EPS15: variants seen among roughly 807,000 people sequenced by gnomAD.
EPS15 encodes epidermal growth factor receptor substrate 15.
In EPS15, 72 loss-of-function variants were observed where a neutral mutation model predicts 113.8. The observed-to-expected ratio is 0.63, with a 90% CI of 0.52 to 0.77. The LOEUF is 0.77. EPS15 is among the 30% of genes least tolerant of loss of function. EPS15 has a pLI of 0.00. For synonymous variants in EPS15, 344 were observed against 363.4 expected (o/e 0.95, Z 0.61); for missense variants, 1,048 against 1,045.8 (o/e 1.00, Z -0.03).
intron 21 of EPS15, among the ~76,000 whole-genome samples, chr1:51,386,306 G>C (rs1647071325): frequency 6.6e-6 from 1 of 152,222 alleles, no homozygotes; most frequent in Non-Finnish European, 1.5e-5. Flanking sequence ...AAGATGGAAA[G>C]TAAGTGACAA....
rs1340614691 is a variant in EPS15 at position 51,355,002 on chromosome 1, CCAGT to C, written c.*1694_*1697del. The stretch of plus-strand genomic sequence containing the variant: ...ACAAAAATACCACCTATCACAACTC[CCAGT>C]CAAATTTTGCAGAAAATCCTTAGGT... On this transcript the variant is annotated 3_prime_UTR_variant, in exon 25 of 25. Transcript: ENST00000371733. 2.2e-5 allele frequency: 5 copies of C among 222,746 alleles called. No homozygotes were observed. Among genetic ancestry groups the C allele is most frequent in the Non-Finnish European group, 4.5e-5 (5 of 111,386 alleles). 13.8% of individuals were successfully genotyped at this position (222,746 alleles called of 1,614,324 possible). A position where few individuals can be genotyped will look rare whatever the true frequency, so the allele number is the denominator to read the frequency against.
intron 8 of EPS15, among the ~76,000 whole-genome samples, chr1:51,455,267 A>G (rs1028192190): frequency 2.0e-5 from 3 of 152,214 alleles, no homozygotes; most frequent in African/African-American, 4.8e-5. Context: ...ATAATTTTAG[A>G]TACATTTCTA....
At chr1:51,414,818 T>C (rs1165861419) in intron 13 of EPS15, among the ~76,000 whole-genome samples, 2 of 152,196 alleles carry the variant, frequency 1.3e-5, no homozygotes, top group Admixed American at 6.5e-5. Flanking sequence ...TACTAAGTTT[T>C]AAAAGCTGAA....
Position 51,479,288 on chromosome 1 carries a change from T to C in EPS15, c.75+1985A>G, listed in dbSNP as rs549306081. Among the ~76,000 whole-genome samples the C allele has an allele frequency of 2.6e-5, 4 of 152,340 alleles. No homozygotes were observed. In the South Asian group the frequency reaches 6.2e-4, roughly 24 times the overall value. On this transcript the variant is annotated intron_variant, in intron 2 of 24. Coordinates refer to ENST00000371733, the MANE Select transcript of EPS15 (RefSeq NM_001981.3). ...CTTGCGTCACGTAGTTCTCGTGCCATGGTTTTCAGCTCCATCAGGTCATGT... is the reference window on the plus strand; with the variant it reads ...CTTGCGTCACGTAGTTCTCGTGCCACGGTTTTCAGCTCCATCAGGTCATGT...
Position 51,355,705 on chromosome 1 carries a change from G to C in EPS15, c.*995C>G, listed in dbSNP as rs1196312071. ...AAGTTTTTACATTTCAAGTAAATGAGCCTTCATTAAAAAAAAAAAAACAAA... is the reference window on the plus strand; with the variant it reads ...AAGTTTTTACATTTCAAGTAAATGACCCTTCATTAAAAAAAAAAAAACAAA... On this transcript the variant is annotated 3_prime_UTR_variant, in exon 25 of 25. Transcript: ENST00000371733. 3.8e-5 allele frequency: 7 copies of C among 183,428 alleles called. No homozygotes were observed. Among genetic ancestry groups the C allele is most frequent in the Non-Finnish European group, 6.8e-5 (6 of 88,808 alleles). 11.4% of individuals were successfully genotyped at this position (183,428 alleles called of 1,614,324 possible).
At chr1:51,367,264 T>G (rs1260473199) in intron 21 of EPS15, among the ~76,000 whole-genome samples, 1 of 152,064 alleles carries the variant, frequency 6.6e-6, no homozygotes, top group Non-Finnish European at 1.5e-5. Context: ...AAAAGTATAT[T>G]TAACAGGCCA....
At chr1:51,440,990 C>G (rs1029182486) in intron 11 of EPS15, among the ~76,000 whole-genome samples, 6 of 152,024 alleles carry the variant, frequency 3.9e-5, no homozygotes, top group African/African-American at 7.2e-5. Flanking sequence ...TTAATACCAT[C>G]ATATATGAAA....
intron 3 of EPS15, among the ~76,000 whole-genome samples, chr1:51,472,161 A>G (rs1655287918): frequency 6.6e-6 from 1 of 152,178 alleles, no homozygotes; most frequent in East Asian, 1.9e-4. Flanking sequence ...CTAAGGCCCA[A>G]TGAGGGTAAG....
chr1:51,511,553 G>C (rs1349875052), intron 1 of EPS15, among the ~76,000 whole-genome samples: 1 of 152,092 alleles, frequency 6.6e-6, no homozygotes, highest in Non-Finnish European at 1.5e-5. Flanking sequence ...CTAAACCAGA[G>C]GCAATTTAAT....
In EPS15 at chr1:51,481,309, TGATAAC is replaced by T. The variant is rs760023950; in HGVS notation, c.34-1_38del. 7.7e-7 allele frequency: 1 copy of T among 1,303,758 alleles called. No homozygotes were observed. Among genetic ancestry groups the T allele is most frequent in the South Asian group, 1.2e-5 (1 of 82,510 alleles). 80.8% of individuals were successfully genotyped at this position (1,303,758 alleles called of 1,614,324 possible). On this transcript the variant is annotated splice_acceptor_variant and coding_sequence_variant, in exon 2 of 25. Transcript: ENST00000371733. LOFTEE classifies it high-confidence loss of function. ...ATTTTTCATATACAGGATTCCCACT[TGATAAC>T]TGAAATAAACACATTAATAAAAATT... is the stretch of plus-strand genomic sequence containing the variant.
intron 21 of EPS15, among the ~76,000 whole-genome samples, chr1:51,376,351 A>G (rs1277059245): frequency 6.6e-6 from 1 of 152,186 alleles, no homozygotes; most frequent in Non-Finnish European, 1.5e-5. Context: ...CACTGCTCAG[A>G]TAAGAGATTT....
At chr1:51,365,244 A>G (rs115213817) in intron 22 of EPS15, among the ~76,000 whole-genome samples, 4,865 of 152,356 alleles carry the variant, frequency 0.032, 127 homozygotes, top group Non-Finnish European at 0.05. Flanking sequence ...GGTAATGCTC[A>G]ACATTGACAT....
intron 7 of EPS15, chr1:51,461,939 G>C (rs762395231): frequency 9.2e-5 from 14 of 152,162 alleles, no homozygotes; most frequent in Non-Finnish European, 1.9e-4. Context: ...AATTCTATAA[G>C]CTGGGAATTA....
chr1:51,372,703 C>T, intron 21 of EPS15: 1 of 406,200 alleles, frequency 2.5e-6, no homozygotes, highest in South Asian at 1.9e-5. Flanking sequence ...GATGATGGTG[C>T]TCCAACCTCA....
At chr1:51,493,098 A>G (rs532309309) in intron 1 of EPS15, among the ~76,000 whole-genome samples, 2 of 152,326 alleles carry the variant, frequency 1.3e-5, no homozygotes, top group African/African-American at 4.8e-5. Flanking sequence ...ACAGTGGCTC[A>G]CGCCTGTAAT....
chr1:51,390,265 T>C (rs2148399351), intron 21 of EPS15, among the ~76,000 whole-genome samples: 1 of 152,160 alleles, frequency 6.6e-6, no homozygotes, highest in South Asian at 2.1e-4. Flanking sequence ...TAGCCATATG[T>C]AGAAAGCTGA....
At chr1:51,395,523 TAC>T (rs139866618) in intron 20 of EPS15, among the ~76,000 whole-genome samples, 6 of 150,342 alleles carry the variant, frequency 4.0e-5, no homozygotes, top group Admixed American at 1.3e-4. Flanking sequence ...CATACACACA[TAC>T]ACACACACAC....
chr1:51,423,552 T>G, intron 12 of EPS15: 1 of 985,352 alleles, frequency 1.0e-6, no homozygotes, highest in Non-Finnish European at 1.2e-6. Flanking sequence ...TCAGAGGCAT[T>G]CCACACAAGG....
At chr1:51,418,968 T>C (rs1650497510) in intron 13 of EPS15, among the ~76,000 whole-genome samples, 1 of 152,130 alleles carries the variant, frequency 6.6e-6, no homozygotes. Context: ...ACCAGGCATA[T>C]GAGAGTGAAT....
Sources: gnomAD v4.1 joint callset for allele counts (sites outside exome capture counted in the v4.1 genomes callset) on GRCh38, gnomAD v4.1.1 for gene constraint, MANE v1.5 for transcripts, NCBI Gene and HGNC (gene_info 2026-07-23, HGNC 2026-07-21) for gene names.